Variants in DPP6 observed in about 807,000 individuals in gnomAD.
The protein encoded by DPP6 is dipeptidyl peptidase like 6, also known as A-type potassium channel modulatory protein DPP6.
In DPP6, 69 loss-of-function variants were observed where a neutral mutation model predicts 122.6. The observed-to-expected ratio is 0.56, with a 90% CI of 0.46 to 0.69. The LOEUF is 0.69. DPP6 is among the 30% of genes least tolerant of loss of function. DPP6 has a pLI of 0.00. For synonymous variants in DPP6, 418 were observed against 433.1 expected, an observed-to-expected ratio of 0.97 and a Z score of 0.43; for missense variants, 928 against 1,116.9, an observed-to-expected ratio of 0.83 and a Z score of 2.41.
chr7:154,204,803 A>C lies in DPP6; in HGVS notation c.243+151740A>C, dbSNP rs545072716. ...TGACCTTGTGTGTGTGTGTGTCTGT[A>C]CGTGTGTGAGTATGTGTACCTGCAT... is the stretch of plus-strand genomic sequence containing the variant. On this transcript the variant is annotated intron_variant, in intron 1 of 25. Transcript: ENST00000377770. Among the ~76,000 whole-genome samples the C allele has an allele frequency of 1.9e-4, 21 of 111,388 alleles. No homozygotes were observed. In the East Asian group the frequency reaches 5.1e-3, roughly 27 times the overall value. The allele number at this position is 111,388 out of a possible 152,430, so 73.1% of individuals were successfully genotyped here. A position where few individuals can be genotyped will look rare whatever the true frequency, so the allele number is the denominator to read the frequency against.
intron 1 of DPP6, among the ~76,000 whole-genome samples, chr7:154,432,112 G>A (rs1188841920): frequency 6.6e-6 from 1 of 152,178 alleles, no homozygotes; most frequent in Non-Finnish European, 1.5e-5. Context: ...TCAAAGAAAT[G>A]AAGAGCAAAA....
chr7:154,082,540 C>T (rs1377920065), intron 1 of DPP6, among the ~76,000 whole-genome samples: 4 of 151,810 alleles, frequency 2.6e-5, no homozygotes, highest in Non-Finnish European at 5.9e-5. Context: ...GGAAAGAACA[C>T]CCCCAGTTCC....
intron 1 of DPP6, among the ~76,000 whole-genome samples, chr7:153,982,787 C>T (rs1796654041): frequency 6.6e-6 from 1 of 152,148 alleles, no homozygotes. Context: ...AGTTTTTCTT[C>T]TAACAGTCAG....
At chr7:153,956,060 A>G (rs375578588) in intron 1 of DPP6, among the ~76,000 whole-genome samples, 25 of 152,368 alleles carry the variant, frequency 1.6e-4, no homozygotes, top group African/African-American at 5.5e-4. Flanking sequence ...TCACAGCTGC[A>G]AAAGTACCGG....
At chr7:154,572,523 T>C (rs1314994928) in intron 5 of DPP6, among the ~76,000 whole-genome samples, 5 of 118,198 alleles carry the variant, frequency 4.2e-5, no homozygotes, top group East Asian at 2.8e-4. Context: ...TTTTTTTTTT[T>C]TTTTTTTTTT....
At chr7:154,303,813 G>A (rs74405295) in intron 1 of DPP6, among the ~76,000 whole-genome samples, 7,673 of 152,276 alleles carry the variant, frequency 0.05, 305 homozygotes, top group Admixed American at 0.12. Context: ...TCAGGCCATG[G>A]TAGAGGTGAC....
intron 1 of DPP6, among the ~76,000 whole-genome samples, chr7:154,262,178 G>A (rs1216207081): frequency 6.6e-6 from 1 of 152,204 alleles, no homozygotes; most frequent in Non-Finnish European, 1.5e-5. Context: ...GAACTGAGTA[G>A]ATGGAGATCT....
At chr7:153,950,937 G>GGA (rs1169281709) in intron 1 of DPP6, among the ~76,000 whole-genome samples, 1 of 152,182 alleles carries the variant, frequency 6.6e-6, no homozygotes, top group Non-Finnish European at 1.5e-5. Flanking sequence ...GGTGCCCTAG[G>GGA]GAGAGAAGAC....
chr7:153,935,169 G>A (rs1332892592), intron 1 of DPP6, among the ~76,000 whole-genome samples: 2 of 152,210 alleles, frequency 1.3e-5, no homozygotes, highest in Middle Eastern at 3.4e-3. Flanking sequence ...TCACTTGCTG[G>A]GCTCTGCGGG....
rs527474786 is a variant in DPP6, at chr7:154,297,073, T to A, written c.244-149141T>A. On this transcript the variant is annotated intron_variant, in intron 1 of 25. Transcript: ENST00000377770. ...TGTGAAATGTATTCTGTTTTTTTTT[T>A]TTTGTTTTGTTTTTCTATTTGGAGG... Among the ~76,000 whole-genome samples, 20 of 139,574 alleles carry A rather than the reference T, an allele frequency of 1.4e-4. No homozygotes were observed. The East Asian group carries it at 3.3e-3, about 23-fold the overall frequency. 91.6% of individuals were successfully genotyped at this position (139,574 alleles called of 152,430 possible). A position where few individuals can be genotyped will look rare whatever the true frequency, so the allele number is the denominator to read the frequency against.
chr7:154,865,694 A>G (rs3778739), intron 17 of DPP6, among the ~76,000 whole-genome samples: 47,926 of 151,966 alleles, frequency 0.32, 10,745 homozygotes, highest in African/African-American at 0.62. Context: ...GTCTGGCCTC[A>G]GTTTTTCCAA....
intron 1 of DPP6, among the ~76,000 whole-genome samples, chr7:154,438,279 G>T (rs142300552): frequency 2.0e-5 from 3 of 151,782 alleles, no homozygotes; most frequent in Non-Finnish European, 2.9e-5. Flanking sequence ...CATCCTGGCT[G>T]ACACGGTGAA....
chr7:154,011,296 A>G (rs1228978421), intron 1 of DPP6, among the ~76,000 whole-genome samples: 5 of 152,124 alleles, frequency 3.3e-5, no homozygotes, highest in African/African-American at 9.7e-5. Flanking sequence ...TGATTGCATG[A>G]AGCCTCACAT....
intron 4 of DPP6, among the ~76,000 whole-genome samples, chr7:154,548,007 A>C (rs532627993): frequency 1.3e-3 from 194 of 151,694 alleles, no homozygotes; most frequent in African/African-American, 4.5e-3. Flanking sequence ...TCAGGAGTTC[A>C]AGACCAGCCT....
intron 1 of DPP6, among the ~76,000 whole-genome samples, chr7:154,272,703 C>G (rs946136600): frequency 6.6e-6 from 1 of 152,092 alleles, no homozygotes; most frequent in African/African-American, 2.4e-5. Flanking sequence ...CCTTAGACCA[C>G]GGGGGCCTCA....
At chr7:154,155,264 C>T (rs1035273785) in intron 1 of DPP6, among the ~76,000 whole-genome samples, 11 of 152,148 alleles carry the variant, frequency 7.2e-5, no homozygotes, top group South Asian at 2.1e-4. Context: ...ACCTTGTCCC[C>T]GCCTGCATAT....
intron 5 of DPP6, among the ~76,000 whole-genome samples, chr7:154,636,421 G>A (rs993155229): frequency 9.9e-5 from 15 of 152,124 alleles, no homozygotes; most frequent in Admixed American, 3.9e-4. Context: ...CACTCATCCC[G>A]GCAGAAATAG....
intron 1 of DPP6, among the ~76,000 whole-genome samples, chr7:154,326,998 C>T (rs534386711): frequency 5.3e-5 from 8 of 152,240 alleles, no homozygotes; most frequent in African/African-American, 1.9e-4. Context: ...GAGTTCCTGT[C>T]TCCGGGGAGG....
At chr7:154,082,674 C>A (rs553925152) in intron 1 of DPP6, among the ~76,000 whole-genome samples, 17 of 151,924 alleles carry the variant, frequency 1.1e-4, no homozygotes, top group African/African-American at 3.6e-4. Flanking sequence ...CTGTCAGAGG[C>A]AGCATAATGG....
Sources: gnomAD v4.1 joint callset for allele counts (sites outside exome capture counted in the v4.1 genomes callset) on GRCh38, gnomAD v4.1.1 for gene constraint, MANE v1.5 for transcripts, NCBI Gene and HGNC (gene_info 2026-07-23, HGNC 2026-07-21) for gene names.